The following DDX54 variants were observed in gnomAD, a reference collection of about 807,000 sequenced individuals.
DDX54 encodes the protein ATP-dependent RNA helicase DDX54.
DDX54 carries 67 observed loss-of-function variants against 105.5 expected under a neutral mutation model. The ratio of observed to expected loss-of-function variants is 0.64; its 90% CI spans 0.52 to 0.78. DDX54 has a LOEUF of 0.78. Among genes scored for constraint, DDX54 ranks in the 30% least tolerant of loss-of-function variants. The pLI, the probability that DDX54 is intolerant of heterozygous loss-of-function variation, is 0.00. For missense variants in DDX54, 1,206 were observed against 1,230.5 expected (o/e 0.98, Z 0.30); for synonymous variants, 514 against 509.9 (o/e 1.01, Z -0.11).
intron 12 of DDX54, among the ~76,000 whole-genome samples, chr12:113,166,391 T>G (rs974930014): frequency 3.1e-4 from 47 of 150,500 alleles, no homozygotes; most frequent in African/African-American, 1.2e-3. Context: ...ATATGTACTA[T>G]CCGGCTCTAA....
At chr12:113,160,518 G>T (rs1419606351) in intron 19 of DDX54, among the ~76,000 whole-genome samples, 1 of 152,194 alleles carries the variant, frequency 6.6e-6, no homozygotes, top group Non-Finnish European at 1.5e-5. Context: ...GCAAGCGGGA[G>T]CCCCTCCCTG....
Position 113,175,111 on chromosome 12 carries a change from G to A in DDX54, c.799C>T (p.Arg267Cys), listed in dbSNP as rs202142459. 1.7e-5 allele frequency: 27 copies of A among 1,613,628 alleles called. No homozygotes were observed. The highest frequency in any genetic ancestry group is 3.3e-5 in the Admixed American group (2 of 60,010). Reference protein sequence around the residue: ...FAEQLQEIIARLPGGHQTVLF... With the variant: ...FAEQLQEIIACLPGGHQTVLF... The stretch of plus-strand genomic sequence containing the variant: ...ACCGTCTGGTGGCCCCCGGGGAGGC[G>A]GGCGATGATCTCCTGCAGCTGCTCT... The change falls in exon 8 of 20, where the codon CGC (arginine) becomes TGC (cysteine). Residue 267 changes from arginine (R) to cysteine (C), a missense_variant. Arg to Cys is a radical substitution (Grantham distance 180, BLOSUM62 -3). Around this residue, in one of 3 missense-constraint regions of DDX54, gnomAD observed 961 missense variants for 1,019.1 expected, o/e 0.94. Transcript: ENST00000306014.
chr12:113,157,661 T>C lies in DDX54; in HGVS notation c.*1216A>G. ...TGGCCGGCCTGGGTCAGGCTGAGCC[T>C]GCAGCCCCTGCCTCCTAGCCCTGAC... On this transcript the variant is annotated 3_prime_UTR_variant, in exon 20 of 20. Coordinates refer to ENST00000306014, the MANE Select transcript of DDX54 (RefSeq NM_024072.4). The C allele has an allele frequency of 1.3e-6, 2 of 1,551,574 alleles. No individual in the cohort carries two copies. The highest frequency in any genetic ancestry group is 1.7e-6 in the Non-Finnish European group (2 of 1,146,966).
Position 113,174,904 on chromosome 12 carries a change from C to A in DDX54, c.907G>T (p.Val303Leu). ...AGCTGCTCGTTGAGCTTGGTATCCA[C>A]GTCAAGCCGGATGAGCACGGGCTCC... ...LTEPVLIRLD[V>L]DTKLNEQLKT... is the part of the protein sequence containing the mutation. Residue 303 changes from valine (V) to leucine (L), a missense_variant, in exon 9 of 20, where the codon GTG (valine) becomes TTG (leucine). Physicochemically the swap from Val to Leu is conservative, Grantham distance 32. Transcript: ENST00000306014. The A allele has an allele frequency of 6.2e-7, 1 of 1,613,822 alleles. No individual in the cohort carries two copies. Among genetic ancestry groups the A allele is most frequent in the East Asian group, 2.2e-5 (1 of 44,878 alleles).
chr12:113,180,812 C>T (rs944941994), intron 2 of DDX54, 117 bp downstream of exon 2: 7 of 1,531,252 alleles, frequency 4.6e-6, no homozygotes, highest in Middle Eastern at 1.7e-4. Flanking sequence ...CATCTGCTAC[C>T]CCGGTCTACC....
At chr12:113,174,449 T>C (rs1170851822) in intron 10 of DDX54, among the ~76,000 whole-genome samples, 191 bp downstream of exon 10, 1 of 152,184 alleles carries the variant, frequency 6.6e-6, no homozygotes, top group Non-Finnish European at 1.5e-5. Context: ...ATTGTGCCAC[T>C]GCACTCTAGC....
rs927475702 is a variant in DDX54, at chr12:113,157,833, G to A, written c.*1044C>T. The A allele has an allele frequency of 6.0e-6, 4 of 665,298 alleles. No individual in the cohort carries two copies. The highest frequency in any genetic ancestry group is 4.8e-5 in the Admixed American group (2 of 41,376). 41.2% of individuals were successfully genotyped at this position (665,298 alleles called of 1,614,324 possible). Reference sequence around the variant, plus strand: ...GGCTGTGCCTGTTCAGAGTGCTGTGGGCCTGCCATGAGGGGCACATAGCAA... The same window carrying A: ...GGCTGTGCCTGTTCAGAGTGCTGTGAGCCTGCCATGAGGGGCACATAGCAA... On this transcript the variant is annotated 3_prime_UTR_variant, in exon 20 of 20. Transcript: ENST00000306014.
chr12:113,159,260 AG>A (rs1952176723), intron 19 of DDX54, 151 bp from the exon 20 acceptor site: 6 of 842,670 alleles, frequency 7.1e-6, no homozygotes, highest in Non-Finnish European at 1.1e-5. Context: ...TGGCTAATAA[AG>A]TTTTAGGCAG....
chr12:113,184,005 G>A (rs1952495627), intron 1 of DDX54, among the ~76,000 whole-genome samples: 1 of 152,082 alleles, frequency 6.6e-6, no homozygotes, highest in African/African-American at 2.4e-5. Context: ...GGAGTGCAGT[G>A]GTGCAATATC....
intron 17 of DDX54, 47 bp downstream of exon 17, chr12:113,162,885 C>A (rs765049840): frequency 6.6e-7 from 1 of 1,515,874 alleles, no homozygotes; most frequent in South Asian, 1.3e-5. Context: ...GCAGCTCACT[C>A]GGTCACTCAC....
Position 113,163,973 on chromosome 12 carries a change from G to A in DDX54, c.1938+94C>T. ...CTGACTGCATCCACCTCCATCCACT[G>A]CTCAAAGATCCTAGGACAGCCTCAT... On this transcript the variant is annotated intron_variant, in intron 15 of 19. Coordinates refer to ENST00000306014, the MANE Select transcript of DDX54 (RefSeq NM_024072.4). The surrounding 1 kb of genome is among the most constrained non-coding windows in gnomAD (Gnocchi z 5.9). 1 of 1,446,960 alleles carries A rather than the reference G, an allele frequency of 6.9e-7. No individual in the cohort carries two copies. Among genetic ancestry groups the A allele is most frequent in the Non-Finnish European group, 9.1e-7 (1 of 1,099,180 alleles). 89.6% of individuals were successfully genotyped at this position (1,446,960 alleles called of 1,614,324 possible).
At position 113,158,649 on chromosome 12, in the gene DDX54, T is replaced by C; in HGVS notation, c.*228A>G. On this transcript the variant is annotated 3_prime_UTR_variant, in exon 20 of 20. Transcript: ENST00000306014. This position sits in a 1 kb window ranked among gnomAD's most constrained non-coding sequence, Gnocchi z 4.9. ...CAAGTCTTGGCCTGCCTGGCTTTGC[T>C]GGCGAACTCCTGCACACCCTTCAAG... is the stretch of plus-strand genomic sequence containing the variant. 2.0e-6 allele frequency: 1 copy of C among 509,076 alleles called. No individual in the cohort carries two copies. Among genetic ancestry groups the C allele is most frequent in the Non-Finnish European group, 3.3e-6 (1 of 299,704 alleles). 31.5% of individuals were successfully genotyped at this position (509,076 alleles called of 1,614,324 possible).
Position 113,174,715 on chromosome 12 carries a change from C to T in DDX54, c.993G>A (p.Leu331=), listed in dbSNP as rs1299265236. 4.3e-6 allele frequency: 7 copies of T among 1,609,296 alleles called. No homozygotes were observed. The highest frequency in any genetic ancestry group is 5.1e-6 in the Non-Finnish European group (6 of 1,175,970). ...DTKAAVLLHL[L]HNVVRPQDQT... ...GGTCCTGGGGCCGCACCACGTTGTG[C>T]AGCAGGTGGAGCAGCACGGCAGCCT... is the stretch of plus-strand genomic sequence containing the variant. Residue 331 remains leucine (L), a synonymous_variant, in exon 10 of 20, where the codon CTG becomes CTA. Transcript: ENST00000306014.
intron 14 of DDX54, among the ~76,000 whole-genome samples, chr12:113,165,086 G>C (rs1952255865): frequency 6.6e-6 from 1 of 152,162 alleles, no homozygotes; most frequent in African/African-American, 2.4e-5. Flanking sequence ...CACATGCTAG[G>C]AAAAGGCATA....
chr12:113,179,142 C>T lies in DDX54; in HGVS notation c.564+1G>A. On this transcript the variant is annotated splice_donor_variant, in intron 4 of 19. Transcript: ENST00000306014. LOFTEE classifies it high-confidence loss of function. ...CAGCCTCTAGCCAAGCTCAGACACACCTCCTTAGTGAACTTCAGGGTCTGC... is the reference window on the plus strand; with the variant it reads ...CAGCCTCTAGCCAAGCTCAGACACATCTCCTTAGTGAACTTCAGGGTCTGC... 4 of 1,614,008 alleles carry T rather than the reference C, an allele frequency of 2.5e-6. No homozygotes were observed. Among genetic ancestry groups the T allele is most frequent in the Non-Finnish European group, 2.5e-6 (3 of 1,179,940 alleles).
At chr12:113,160,284 A>G (rs1566091929) in intron 19 of DDX54, among the ~76,000 whole-genome samples, 1 of 152,038 alleles carries the variant, frequency 6.6e-6, no homozygotes, top group Non-Finnish European at 1.5e-5. Context: ...AGGTGGAGGG[A>G]CACAAGCAGG....
chr12:113,160,512 G>A (rs1030362956), intron 19 of DDX54, among the ~76,000 whole-genome samples: 2 of 152,232 alleles, frequency 1.3e-5, no homozygotes, highest in Non-Finnish European at 2.9e-5. Flanking sequence ...CACCCAGCAA[G>A]CGGGAGCCCC....
chr12:113,162,646 A>C, intron 17 of DDX54: 1 of 381,524 alleles, frequency 2.6e-6, no homozygotes, highest in East Asian at 5.7e-5. Flanking sequence ...CAGGGAATGG[A>C]GGGGCGGCTC....
intron 12 of DDX54, chr12:113,168,052 G>GCAC: frequency 2.3e-6 from 1 of 433,512 alleles, no homozygotes; most frequent in South Asian, 1.7e-5. Flanking sequence ...GCGCCCGACT[G>GCAC]AGGCCTCCAC....
Sources: gnomAD v4.1 joint callset for allele counts (sites outside exome capture counted in the v4.1 genomes callset) on GRCh38, gnomAD v4.1.1 for gene constraint, gnomAD v4.1.1 regional missense constraint, Gnocchi (gnomAD v3.1) non-coding constraint, MANE v1.5 for transcripts, NCBI Gene and HGNC (gene_info 2026-07-23, HGNC 2026-07-21) for gene names.